RASA3: variants seen among roughly 807,000 people sequenced by gnomAD.
RASA3 encodes the protein ras GTPase-activating protein 3.
Under a neutral mutation model 110.0 loss-of-function variants are expected in RASA3, and 73 were observed. The ratio of observed to expected loss-of-function variants is 0.66; its 90% CI spans 0.55 to 0.81. RASA3 has a LOEUF of 0.81. Among genes scored for constraint, RASA3 ranks in the 30% least tolerant of loss-of-function variants. The pLI is 0.00. For synonymous variants in RASA3, 500 were observed against 451.4 expected (o/e 1.11, Z -1.37); for missense variants, 976 against 1,113.2 (o/e 0.88, Z 1.75).
rs2080228458 is a variant in RASA3 at position 114,112,122 on chromosome 13, G to A, written c.55+20313C>T. Reference sequence around the variant, plus strand: ...GCACCCCCCCCAGCAACTGGGACAAGGGCACACCAGGCTAATTTTTAATCA... The same window carrying A: ...GCACCCCCCCCAGCAACTGGGACAAAGGCACACCAGGCTAATTTTTAATCA... On this transcript the variant is annotated intron_variant, in intron 1 of 23. Coordinates refer to ENST00000334062, the MANE Select transcript of RASA3 (RefSeq NM_007368.4). This position sits in a 1 kb window ranked among gnomAD's most constrained non-coding sequence, Gnocchi z 4.8. 6.8e-6 allele frequency among the ~76,000 whole-genome samples: 1 copy of A among 147,032 alleles called. No individual in the cohort carries two copies. The highest frequency in any genetic ancestry group is 2.2e-4 in the South Asian group (1 of 4,464).
At chr13:114,051,647 C>A (rs1194080261) in intron 3 of RASA3, among the ~76,000 whole-genome samples, 2 of 143,660 alleles carry the variant, frequency 1.4e-5, no homozygotes, top group Non-Finnish European at 3.1e-5. Context: ...ACCCGCCCTT[C>A]CTGTGCCCAC....
At chr13:114,021,751 C>T (rs923561153) in intron 8 of RASA3, among the ~76,000 whole-genome samples, 2 of 152,198 alleles carry the variant, frequency 1.3e-5, no homozygotes, top group African/African-American at 4.8e-5. Context: ...GCCATGGGCC[C>T]GGACTCAGAC....
chr13:114,016,377 T>C (rs2053792532), intron 12 of RASA3, 106 bp from the exon 13 acceptor site: 1 of 886,718 alleles, frequency 1.1e-6, no homozygotes, highest in Non-Finnish European at 1.9e-6. Context: ...CTGAGCCTCA[T>C]CCAGAAAATG....
intron 1 of RASA3, among the ~76,000 whole-genome samples, chr13:114,103,204 G>A (rs1010256493): frequency 4.6e-5 from 7 of 152,128 alleles, no homozygotes; most frequent in African/African-American, 1.2e-4. Flanking sequence ...CAAGTCCACC[G>A]GAAATGTGTG....
At chr13:113,980,373 G>A (rs1464549268) in intron 23 of RASA3, among the ~76,000 whole-genome samples, 4 of 128,682 alleles carry the variant, frequency 3.1e-5, no homozygotes, top group Non-Finnish European at 4.9e-5. Context: ...CGCCTCCTCC[G>A]TGTGTGTGCC....
chr13:114,013,309 C>A, intron 14 of RASA3, 61 bp from the exon 15 acceptor site: 1 of 1,291,800 alleles, frequency 7.7e-7, no homozygotes, highest in African/African-American at 1.4e-5. Flanking sequence ...GTGGGGACAC[C>A]ATGCCCCGGC....
chr13:114,063,914 A>G (rs1054271070), intron 2 of RASA3, among the ~76,000 whole-genome samples: 2 of 152,216 alleles, frequency 1.3e-5, no homozygotes, highest in African/African-American at 4.8e-5. Flanking sequence ...GGTGAGGTGG[A>G]ATGTCCATCT....
At chr13:114,080,346 G>T (rs771119693) in intron 1 of RASA3, among the ~76,000 whole-genome samples, 1 of 152,162 alleles carries the variant, frequency 6.6e-6, no homozygotes, top group African/African-American at 2.4e-5. Context: ...AGAGGGCTGT[G>T]CGGGCTGATT....
Position 114,027,438 on chromosome 13 carries a change from A to C in RASA3, c.554T>G (p.Val185Gly). 1 of 1,613,210 alleles carries C rather than the reference A, an allele frequency of 6.2e-7. No homozygotes were observed. Among genetic ancestry groups the C allele is most frequent in the Admixed American group, 1.7e-5 (1 of 60,024 alleles). Reference sequence around the variant, plus strand: ...CTGGGGATTGTTGGTCTTCCTCTTCACTTTCGTCTTCTTTGCTTCTGATCT... The same window carrying C: ...CTGGGGATTGTTGGTCTTCCTCTTCCCTTTCGTCTTCTTTGCTTCTGATCT... ...PFRSEAKKTK[V>G]KRKTNNPQFD... The change falls in exon 7 of 24, where the codon GTG becomes GGG. Residue 185 changes from valine to glycine, a missense_variant. Val to Gly is a moderately radical substitution (Grantham distance 109). Transcript: ENST00000334062.
intron 12 of RASA3, among the ~76,000 whole-genome samples, chr13:114,016,662 A>G (rs1228114552): frequency 6.6e-6 from 1 of 152,270 alleles, no homozygotes; most frequent in Non-Finnish European, 1.5e-5. Context: ...GATGTGCACC[A>G]GCCCACACGG....
At chr13:114,047,742 G>A (rs537728242) in intron 3 of RASA3, among the ~76,000 whole-genome samples, 21 of 152,360 alleles carry the variant, frequency 1.4e-4, no homozygotes, top group Admixed American at 1.3e-3. Context: ...CGCACAGCGC[G>A]GGACCAGCGC....
Position 114,126,303 on chromosome 13 carries a change from C to A in RASA3, c.55+6132G>T, listed in dbSNP as rs563655403. 2.0e-5 allele frequency among the ~76,000 whole-genome samples: 3 copies of A among 152,348 alleles called. No homozygotes were observed. In the South Asian group the frequency reaches 6.2e-4, roughly 32 times the overall value. ...GTGGCCCCTTCTGTCAACCCATCGG[C>A]CAGAGGCCCATCCACACGTCCCACT... On this transcript the variant is annotated intron_variant, in intron 1 of 23. Transcript: ENST00000334062.
At chr13:114,025,539 G>A (rs2054010514) in intron 7 of RASA3, among the ~76,000 whole-genome samples, 1 of 152,226 alleles carries the variant, frequency 6.6e-6, no homozygotes, top group South Asian at 2.1e-4. Context: ...TATTGTAGGG[G>A]CTTGTCTGTT....
Position 114,011,098 on chromosome 13 carries a change from T to C in RASA3, c.1590+73A>G, listed in dbSNP as rs2053628633. On this transcript the variant is annotated intron_variant, in intron 16 of 23. Coordinates refer to ENST00000334062, the MANE Select transcript of RASA3 (RefSeq NM_007368.4). This position sits in a 1 kb window ranked among gnomAD's most constrained non-coding sequence, Gnocchi z 4.8. ...CGACTCTCTCAAATGTGGGAGGTTTTTCACGTGTATTTTCTGAAGAGAGAA... is the reference window on the plus strand; with the variant it reads ...CGACTCTCTCAAATGTGGGAGGTTTCTCACGTGTATTTTCTGAAGAGAGAA... 1.5e-6 allele frequency: 2 copies of C among 1,361,394 alleles called. No individual in the cohort carries two copies. The highest frequency in any genetic ancestry group is 1.8e-4 in the Middle Eastern group (1 of 5,584). 84.3% of individuals were successfully genotyped at this position (1,361,394 alleles called of 1,614,324 possible). A position where few individuals can be genotyped will look rare whatever the true frequency, so the allele number is the denominator to read the frequency against.
chr13:114,037,322 G>A (rs1170958428), intron 4 of RASA3, among the ~76,000 whole-genome samples: 4 of 152,164 alleles, frequency 2.6e-5, no homozygotes, highest in Non-Finnish European at 5.9e-5. Flanking sequence ...TCGCACCTCG[G>A]ACCATTCCTC....
intron 20 of RASA3, among the ~76,000 whole-genome samples, chr13:113,998,711 C>T (rs115656658): frequency 6.6e-6 from 1 of 152,362 alleles, no homozygotes; most frequent in African/African-American, 2.4e-5. Context: ...CACGTCGGCA[C>T]ATCCGACAAA....
In RASA3 at chr13:114,029,871, T is replaced by C. The variant is rs1354203825; in HGVS notation, c.389A>G (p.Glu130Gly). ...DSEVQGKVHL[E>G]LRLSEVITDT... The stretch of plus-strand genomic sequence containing the variant: ...TGTGATGACCTCGCTCAGCCGCAGC[T>C]CCAGGTGCACTTTGCCCTGCAAGGC... The change falls in exon 5 of 24, where the codon GAG (glutamate) becomes GGG (glycine). Residue 130 changes from glutamate to glycine, a missense_variant. Glu to Gly is a moderately conservative substitution (Grantham distance 98). Transcript: ENST00000334062. 2 of 1,564,616 alleles carry C rather than the reference T, an allele frequency of 1.3e-6. No homozygotes were observed. Among genetic ancestry groups the C allele is most frequent in the African/African-American group, 2.7e-5 (2 of 73,698 alleles).
At chr13:114,005,175 G>A (rs1429009257) in intron 18 of RASA3, among the ~76,000 whole-genome samples, 1 of 152,220 alleles carries the variant, frequency 6.6e-6, no homozygotes, top group Non-Finnish European at 1.5e-5. Context: ...TGGGCACAAA[G>A]TGCCCGTTCA....
At chr13:114,062,759 CCAGA>C (rs1469477651) in intron 2 of RASA3, among the ~76,000 whole-genome samples, 1 of 151,400 alleles carries the variant, frequency 6.6e-6, no homozygotes, top group Admixed American at 6.6e-5. Flanking sequence ...GTCATGACAG[CCAGA>C]CAGTGGAAAC....
Sources: allele counts gnomAD v4.1 joint callset (sites outside exome capture counted in the v4.1 genomes callset), GRCh38; gene constraint gnomAD v4.1.1; non-coding constraint Gnocchi (gnomAD v3.1); transcripts MANE v1.5; gene names NCBI Gene and HGNC (gene_info 2026-07-23, HGNC 2026-07-21).